RPTOR: variants seen among roughly 807,000 people sequenced by gnomAD.
The protein encoded by RPTOR is regulatory-associated protein of mTOR.
Under a neutral mutation model 169.9 loss-of-function variants are expected in RPTOR, and 21 were observed. The observed-to-expected ratio is 0.12, with a 90% CI of 0.09 to 0.18. The LOEUF (loss-of-function observed/expected upper bound fraction) is 0.18. Ranked by LOEUF, RPTOR falls within the 10% of genes least tolerant of loss-of-function variation. RPTOR has a pLI of 1.00. For missense variants in RPTOR, 1,133 were observed against 1,855.9 expected, an observed-to-expected ratio of 0.61 and a Z score of 7.16; for synonymous variants, 732 against 753.2, an observed-to-expected ratio of 0.97 and a Z score of 0.46.
chr17:80,569,641 A>G lies in RPTOR; in HGVS notation c.162+23850A>G, dbSNP rs530410623. 6.9e-4 allele frequency among the ~76,000 whole-genome samples: 105 copies of G among 152,304 alleles called. No homozygotes were observed. The Middle Eastern group carries it at 0.017, about 25-fold the overall frequency. ...ATAAAGTCTTCTGGAACACAGTCCCATTGTTTGTGGATGGTCTATGTTGAT... is the reference window on the plus strand; with the variant it reads ...ATAAAGTCTTCTGGAACACAGTCCCGTTGTTTGTGGATGGTCTATGTTGAT... On this transcript the variant is annotated intron_variant, in intron 1 of 33. Coordinates refer to ENST00000306801, the MANE Select transcript of RPTOR (RefSeq NM_020761.3).
intron 17 of RPTOR, among the ~76,000 whole-genome samples, chr17:80,886,632 G>C (rs567279128): frequency 3.0e-4 from 45 of 152,378 alleles, no homozygotes; most frequent in African/African-American, 1.1e-3. Context: ...GAGCCATCCC[G>C]TGGCCGGGCT....
rs1442924722 is a variant in RPTOR at position 80,633,997 on chromosome 17, T to G, written c.265+8204T>G. 6.6e-6 allele frequency among the ~76,000 whole-genome samples: 1 copy of G among 152,230 alleles called. No homozygotes were observed. The highest frequency in any genetic ancestry group is 1.5e-5 in the Non-Finnish European group (1 of 68,052). On this transcript the variant is annotated intron_variant, in intron 2 of 33. Coordinates refer to ENST00000306801, the MANE Select transcript of RPTOR (RefSeq NM_020761.3). The surrounding 1 kb of genome is among the most constrained non-coding windows in gnomAD (Gnocchi z 4.1). ...AGATCTGGGTGCCAGGTGTTCTCTT[T>G]GAACTGGCGTGCTATTGCTCCCAGG...
chr17:80,723,342 T>C (rs963699827), intron 4 of RPTOR, among the ~76,000 whole-genome samples: 9 of 151,428 alleles, frequency 5.9e-5, no homozygotes, highest in African/African-American at 2.2e-4. Context: ...ATGGTGGTGC[T>C]GTACCTCCCT....
intron 1 of RPTOR, among the ~76,000 whole-genome samples, chr17:80,588,345 T>C (rs986470643): frequency 1.3e-5 from 2 of 152,158 alleles, no homozygotes; most frequent in East Asian, 3.9e-4. Flanking sequence ...GTATTTTTAG[T>C]AGAGATGGGG....
At chr17:80,579,330 A>G (rs1762104565) in intron 1 of RPTOR, among the ~76,000 whole-genome samples, 1 of 152,232 alleles carries the variant, frequency 6.6e-6, no homozygotes, top group East Asian at 1.9e-4. Flanking sequence ...AGTAGCTGGG[A>G]TTACAGGCAT....
Position 80,640,088 on chromosome 17 carries a change from A to G in RPTOR, c.266-3640A>G, listed in dbSNP as rs560492712. On this transcript the variant is annotated intron_variant, in intron 2 of 33. Transcript: ENST00000306801. Reference sequence around the variant, plus strand: ...CAAATAGGAAAATTTATAAAGAACTAAAAGTTTTATGCAAATACCATTTAC... The same window carrying G: ...CAAATAGGAAAATTTATAAAGAACTGAAAGTTTTATGCAAATACCATTTAC... Among the ~76,000 whole-genome samples the G allele has an allele frequency of 2.6e-5, 4 of 152,298 alleles. No individual in the cohort carries two copies. The South Asian group carries it at 8.3e-4, about 32-fold the overall frequency.
rs372725530 is a variant in RPTOR, at chr17:80,759,607, T to C, written c.830+5422T>C. ...GGTGTCTATGGCCTGTGAGTGGTAA[T>C]GGACTATATTCATTAAAGAATTATC... On this transcript the variant is annotated intron_variant, in intron 6 of 33. Coordinates refer to ENST00000306801, the MANE Select transcript of RPTOR (RefSeq NM_020761.3). Among the ~76,000 whole-genome samples, 3 of 152,100 alleles carry C rather than the reference T, an allele frequency of 2.0e-5. No homozygotes were observed. In the East Asian group the frequency reaches 5.8e-4, roughly 29 times the overall value.
chr17:80,735,234 A>G (rs2066424601), intron 5 of RPTOR, among the ~76,000 whole-genome samples: 2 of 152,176 alleles, frequency 1.3e-5, no homozygotes, highest in Admixed American at 1.3e-4. Flanking sequence ...CACATCCATT[A>G]TCGATAGTGT....
Position 80,587,495 on chromosome 17 carries a change from C to A in RPTOR, c.163-38196C>A, listed in dbSNP as rs549274018. Among the ~76,000 whole-genome samples, 22 of 152,096 alleles carry A rather than the reference C, an allele frequency of 1.4e-4. No individual in the cohort carries two copies. The East Asian group carries it at 4.3e-3, about 29-fold the overall frequency. Reference sequence around the variant, plus strand: ...TTTGGTTAGCACCTGTGTGGATTTTCGGGAGGTAGTTGCCTAGGAGTGGAA... The same window carrying A: ...TTTGGTTAGCACCTGTGTGGATTTTAGGGAGGTAGTTGCCTAGGAGTGGAA... On this transcript the variant is annotated intron_variant, in intron 1 of 33. Coordinates refer to ENST00000306801, the MANE Select transcript of RPTOR (RefSeq NM_020761.3).
At chr17:80,578,779 G>C (rs2064988314) in intron 1 of RPTOR, among the ~76,000 whole-genome samples, 1 of 152,194 alleles carries the variant, frequency 6.6e-6, no homozygotes. Flanking sequence ...GCTGGGGCTT[G>C]GGCCACTGAG....
intron 20 of RPTOR, among the ~76,000 whole-genome samples, chr17:80,896,379 G>GGCCGCGCCGACACCCCACT (rs1413818828): frequency 1.0e-5 from 1 of 99,528 alleles, no homozygotes; most frequent in Non-Finnish European, 2.2e-5. Context: ...GACACCCCAC[G>GGCCGCGCCGACACCCCACT]CGGCCTCGCT....
chr17:80,694,987 C>T (rs185065646), intron 3 of RPTOR, among the ~76,000 whole-genome samples: 3 of 152,268 alleles, frequency 2.0e-5, no homozygotes, highest in East Asian at 3.9e-4. Context: ...TCTGGGCCTC[C>T]GTGGGTGTCA....
At chr17:80,732,839 A>T (rs1049226790) in intron 5 of RPTOR, among the ~76,000 whole-genome samples, 3 of 152,210 alleles carry the variant, frequency 2.0e-5, no homozygotes, top group African/African-American at 7.2e-5. Flanking sequence ...TTTTTCTTTT[A>T]AAATATTCTT....
In RPTOR at chr17:80,904,714, G is replaced by A. The variant is rs1010414668; in HGVS notation, c.2402-4097G>A. 6.6e-5 allele frequency among the ~76,000 whole-genome samples: 10 copies of A among 152,142 alleles called. 1 individual carries two copies. The highest frequency in any genetic ancestry group is 4.1e-4 in the South Asian group (2 of 4,824). The stretch of plus-strand genomic sequence containing the variant: ...CCTCCTTCCTGGTGGACTCGAATCC[G>A]ATGGGAAGTTCTCTGCGGTCTGTTT... On this transcript the variant is annotated intron_variant, in intron 20 of 33. Transcript: ENST00000306801.
chr17:80,813,650 C>CA (rs1567926191), intron 7 of RPTOR, among the ~76,000 whole-genome samples: 1 of 152,076 alleles, frequency 6.6e-6, no homozygotes, highest in African/African-American at 2.4e-5. Context: ...AGAATTATTT[C>CA]AAAAAAGAAA....
chr17:80,685,695 C>T (rs1203346353), intron 3 of RPTOR, among the ~76,000 whole-genome samples: 1 of 123,874 alleles, frequency 8.1e-6, no homozygotes, highest in African/African-American at 3.3e-5. Context: ...CCATTTGCCT[C>T]ATGGAATGAT....
rs189095957 is a variant in RPTOR at position 80,964,589 on chromosome 17, C to A, written c.*259C>A. 17 of 552,730 alleles carry A rather than the reference C, an allele frequency of 3.1e-5. No homozygotes were observed. The East Asian group carries it at 5.0e-4, about 16-fold the overall frequency. The allele number at this position is 552,730 out of a possible 1,614,324, so 34.2% of individuals were successfully genotyped here. On this transcript the variant is annotated 3_prime_UTR_variant, in exon 34 of 34. Coordinates refer to ENST00000306801, the MANE Select transcript of RPTOR (RefSeq NM_020761.3). Reference sequence around the variant, plus strand: ...CCAGCATCCAGGTGCACCCCCGCGGCCACGGCGCCTCTGTCCCTCTCCTGT... The same window carrying A: ...CCAGCATCCAGGTGCACCCCCGCGGACACGGCGCCTCTGTCCCTCTCCTGT...
chr17:80,842,028 C>G (rs1440177978), intron 10 of RPTOR, among the ~76,000 whole-genome samples: 1 of 152,124 alleles, frequency 6.6e-6, no homozygotes, highest in Non-Finnish European at 1.5e-5. Flanking sequence ...CACACGGCAG[C>G]TCACTCTCAC....
At chr17:80,581,254 T>C (rs1416481882) in intron 1 of RPTOR, among the ~76,000 whole-genome samples, 1 of 152,234 alleles carries the variant, frequency 6.6e-6, no homozygotes, top group Non-Finnish European at 1.5e-5. Context: ...TAGTCTTCCC[T>C]TTCTCTCCCT....
Sources: allele counts gnomAD v4.1 joint callset (sites outside exome capture counted in the v4.1 genomes callset), GRCh38; gene constraint gnomAD v4.1.1; non-coding constraint Gnocchi (gnomAD v3.1); transcripts MANE v1.5; gene names NCBI Gene and HGNC (gene_info 2026-07-23, HGNC 2026-07-21).